The following TEPSIN variants were observed in gnomAD, a reference collection of about 807,000 sequenced individuals.
The protein encoded by TEPSIN is TEPSIN adaptor related protein complex 4 accessory protein, also known as AP-4 complex accessory subunit tepsin.
A neutral mutation model predicts 48.5 loss-of-function variants in TEPSIN; 50 were observed. The ratio of observed to expected loss-of-function variants is 1.03; its 90% CI spans 0.82 to 1.31. The LOEUF is 1.31. TEPSIN is among the 50% of genes most tolerant of loss of function. The probability of loss-of-function intolerance (pLI) is 0.00; values close to 1 mark genes in which losing one functional copy is unlikely to be tolerated. For synonymous variants in TEPSIN, 392 were observed against 358.8 expected (o/e 1.09, Z -1.05); for missense variants, 838 against 815.9 (o/e 1.03, Z -0.33).
At chr17:81,238,450 A>C (rs1205152125) in intron 1 of TEPSIN, 3 of 326,664 alleles carry the variant, frequency 9.2e-6, no homozygotes, top group African/African-American at 2.2e-5. Context: ...CAGTTTGCTC[A>C]GGACGACACC....
At chr17:81,238,836 C>A in intron 1 of TEPSIN, 150 bp downstream of exon 1, 1 of 1,350,004 alleles carries the variant, frequency 7.4e-7, no homozygotes, top group Non-Finnish European at 9.5e-7. Context: ...GGGCGGGCAG[C>A]TCAGGGGCGT....
chr17:81,229,972 TG>T (rs1244425733), intron 12 of TEPSIN: 1 of 170,040 alleles, frequency 5.9e-6, no homozygotes, highest in East Asian at 1.8e-4. Context: ...GACTTGGGGA[TG>T]GGTGACTGAG....
At position 81,229,162 on chromosome 17, in the gene TEPSIN, C is replaced by T; in HGVS notation, c.1548G>A (p.Arg516=). The change falls in exon 13 of 13, where the codon CGG becomes CGA. Residue 516 remains arginine (R), a synonymous_variant. Coordinates refer to ENST00000637944, the MANE Select transcript of TEPSIN (RefSeq NM_001363764.2). ...TTGGGCTGTCCGTGCCCCCTGGGAT[C>T]CGTTCAGGTCTCCACCGCCTGCTTT... ...LAESRRWRPE[R]IPGGTDSPKR... The T allele has an allele frequency of 6.2e-7, 1 of 1,612,160 alleles. No homozygotes were observed. The highest frequency in any genetic ancestry group is 2.2e-5 in the East Asian group (1 of 44,792).
chr17:81,233,306 T>G lies in TEPSIN; in HGVS notation c.526+126A>C. 4.3e-6 allele frequency: 5 copies of G among 1,149,862 alleles called. No homozygotes were observed. The highest frequency in any genetic ancestry group is 1.5e-5 in the African/African-American group (1 of 64,810). 71.2% of individuals were successfully genotyped at this position (1,149,862 alleles called of 1,614,324 possible). A position where few individuals can be genotyped will look rare whatever the true frequency, so the allele number is the denominator to read the frequency against. On this transcript the variant is annotated intron_variant, in intron 7 of 12. Transcript: ENST00000637944. The surrounding 1 kb of genome is among the most constrained non-coding windows in gnomAD (Gnocchi z 5.8). ...CAGTGGGGACAGCCCCAGGAAGGGT[T>G]GAGGCCATGTAGGGGAGGGGACGGG...
rs1238625722 is a variant in TEPSIN at position 81,233,878 on chromosome 17, C to T, written c.375+103G>A. ...CAGCAAGGAGCAGAGGCAGGGGTCC[C>T]GGATGGGAGAACTGCAAACCCCCCA... On this transcript the variant is annotated intron_variant, in intron 5 of 12. Transcript: ENST00000637944. The surrounding 1 kb of genome is among the most constrained non-coding windows in gnomAD (Gnocchi z 5.8). The T allele has an allele frequency of 3.5e-6, 5 of 1,410,754 alleles. No homozygotes were observed. The highest frequency in any genetic ancestry group is 2.5e-5 in the East Asian group (1 of 40,060). 87.4% of individuals were successfully genotyped at this position (1,410,754 alleles called of 1,614,324 possible).
At chr17:81,236,906 C>T (rs963561833) in intron 3 of TEPSIN, 74 bp downstream of exon 3, 265 of 1,531,948 alleles carry the variant, frequency 1.7e-4, no homozygotes, top group Non-Finnish European at 2.2e-4. Flanking sequence ...CACCCTGGGC[C>T]GCTCGTCTGC....
At chr17:81,238,865 C>G in intron 1 of TEPSIN, 121 bp downstream of exon 1, 1 of 1,362,814 alleles carries the variant, frequency 7.3e-7, no homozygotes, top group Non-Finnish European at 9.4e-7. Context: ...GCGAAGGGGC[C>G]AGGAGCAGCT....
chr17:81,229,155 C>T lies in TEPSIN; in HGVS notation c.1555G>A (p.Gly519Arg). Residue 519 changes from glycine (G) to arginine (R), a missense_variant, in exon 13 of 13, where the codon GGG becomes AGG. Transcript: ENST00000637944. ...CCTCTCTTTGGGCTGTCCGTGCCCCCTGGGATCCGTTCAGGTCTCCACCGC... is the reference window on the plus strand; with the variant it reads ...CCTCTCTTTGGGCTGTCCGTGCCCCTTGGGATCCGTTCAGGTCTCCACCGC... ...SRRWRPERIP[G>R]GTDSPKRGPS... The T allele has an allele frequency of 6.2e-7, 1 of 1,612,292 alleles. No homozygotes were observed. The highest frequency in any genetic ancestry group is 1.1e-5 in the South Asian group (1 of 91,002).
rs553119575 is a variant in TEPSIN at position 81,231,094 on chromosome 17, C to T, written c.1098+304G>A. ...TCATGTGCATGCACACACACACAGGCACATACATACACAACCACACACATG... is the reference window on the plus strand; with the variant it reads ...TCATGTGCATGCACACACACACAGGTACATACATACACAACCACACACATG... On this transcript the variant is annotated intron_variant, in intron 11 of 12. Transcript: ENST00000637944. The T allele has an allele frequency of 5.6e-6, 3 of 538,164 alleles. No individual in the cohort carries two copies. In the African/African-American group the frequency reaches 5.7e-5, roughly 10 times the overall value. The allele number at this position is 538,164 out of a possible 1,614,324, so 33.3% of individuals were successfully genotyped here. A position where few individuals can be genotyped will look rare whatever the true frequency, so the allele number is the denominator to read the frequency against.
At chr17:81,237,257 A>G (rs1413015955) in intron 2 of TEPSIN, 130 bp downstream of exon 2, 23 of 1,257,404 alleles carry the variant, frequency 1.8e-5, no homozygotes, top group Middle Eastern at 3.7e-4. Flanking sequence ...GACCCCACCC[A>G]TGCCTGGTTA....
Position 81,236,727 on chromosome 17 carries a change from G to A in TEPSIN, c.288C>T (p.Ala96=), listed in dbSNP as rs1441196134. ...FFLLILKRNS[A]FIQEAAAFAG... ...CTGTACCTGCAGCTTCCTGGATGAA[G>A]GCAGAGTTGCGTTTGAGGATGAGCA... Residue 96 remains alanine, a synonymous_variant, in exon 4 of 13, where the codon GCC becomes GCT. Coordinates refer to ENST00000637944, the MANE Select transcript of TEPSIN (RefSeq NM_001363764.2). 1 of 1,568,040 alleles carries A rather than the reference G, an allele frequency of 6.4e-7. No individual in the cohort carries two copies. The highest frequency in any genetic ancestry group is 1.4e-5 in the African/African-American group (1 of 73,826).
chr17:81,236,857 C>T (rs536335121), intron 3 of TEPSIN, 56 bp from the exon 4 acceptor site: 4 of 1,544,506 alleles, frequency 2.6e-6, no homozygotes, highest in Non-Finnish European at 3.5e-6. Context: ...ACACCCAGGG[C>T]AGGGCCCGGG....
Position 81,230,606 on chromosome 17 carries a change from G to A in TEPSIN, c.1171C>T (p.Arg391Trp), listed in dbSNP as rs200261832. The change falls in exon 12 of 13, where the codon CGG (arginine) becomes TGG (tryptophan). Residue 391 changes from arginine (R) to tryptophan (W), a missense_variant. Coordinates refer to ENST00000637944, the MANE Select transcript of TEPSIN (RefSeq NM_001363764.2). The surrounding 1 kb of genome is among the most constrained non-coding windows in gnomAD (Gnocchi z 4.2). The stretch of plus-strand genomic sequence containing the variant: ...ATGCTGAGCTCCTGCAGCCACGGCC[G>A]GGTGCGGAGGAGGATGTGCTCCTGG... ...LPQEHILLRTRPWLQELSMGS... is the reference protein window; with the variant it reads ...LPQEHILLRTWPWLQELSMGS... 40 of 1,608,002 alleles carry A rather than the reference G, an allele frequency of 2.5e-5. No homozygotes were observed. The highest frequency in any genetic ancestry group is 5.0e-5 in the Admixed American group (3 of 59,414).
At chr17:81,232,089 G>A (rs113698444) in intron 8 of TEPSIN, 68 bp from the exon 9 acceptor site, 12 of 1,545,606 alleles carry the variant, frequency 7.8e-6, no homozygotes, top group African/African-American at 4.1e-5. Context: ...ACCTCCCGGG[G>A]CCCTGGACCA....
chr17:81,231,589 G>C lies in TEPSIN; in HGVS notation c.1008C>G (p.His336Gln). The stretch of plus-strand genomic sequence containing the variant: ...CCGGGCGCACTCACGCTTTGATGAA[G>C]TGCTGTGCCTCCTCGCGGCTCAGGA... ...RAFLSREEAQ[H>Q]FIKACGLLNC... Residue 336 changes from histidine to glutamine, a missense_variant, in exon 10 of 13, where the codon CAC (histidine) becomes CAG (glutamine). By Grantham distance (24) the His-to-Gln change is conservative (BLOSUM62 0). Coordinates refer to ENST00000637944, the MANE Select transcript of TEPSIN (RefSeq NM_001363764.2). The C allele has an allele frequency of 6.2e-7, 1 of 1,612,510 alleles. No homozygotes were observed. The highest frequency in any genetic ancestry group is 8.5e-7 in the Non-Finnish European group (1 of 1,179,468).
intron 8 of TEPSIN, 79 bp downstream of exon 8, chr17:81,232,236 G>A: frequency 7.1e-7 from 1 of 1,417,084 alleles, no homozygotes; most frequent in Non-Finnish European, 9.3e-7. Context: ...CCTGGGATTT[G>A]CCTCCGTGGC....
chr17:81,231,451 C>G lies in TEPSIN; in HGVS notation c.1045G>C (p.Val349Leu). 6.4e-7 allele frequency: 1 copy of G among 1,568,438 alleles called. No homozygotes were observed. Among genetic ancestry groups the G allele is most frequent in the Non-Finnish European group, 8.6e-7 (1 of 1,156,742 alleles). Residue 349 changes from valine (V) to leucine (L), a missense_variant, in exon 11 of 13, where the codon GTG becomes CTG. By Grantham distance (32) the Val-to-Leu change is conservative (BLOSUM62 1). Transcript: ENST00000637944. ...KACGLLNCEA[V>L]LQLLTCHLRG... ...AGGTGGCAGGTCAGCAGCTGCAGCA[C>G]GGCCTCACAGTTGAGCAGTCCACAC...
In TEPSIN at chr17:81,230,373, G is replaced by A; in HGVS notation, c.1233+171C>T. The stretch of plus-strand genomic sequence containing the variant: ...TGGAAGGCGGGAAGGCAATGGGGAG[G>A]TGAGGACCCTGACTTGCTGCTGCTC... On this transcript the variant is annotated intron_variant, in intron 12 of 12. Coordinates refer to ENST00000637944, the MANE Select transcript of TEPSIN (RefSeq NM_001363764.2). The surrounding 1 kb of genome is among the most constrained non-coding windows in gnomAD (Gnocchi z 4.2). 2.3e-6 allele frequency: 2 copies of A among 858,314 alleles called. No individual in the cohort carries two copies. Among genetic ancestry groups the A allele is most frequent in the Non-Finnish European group, 3.5e-6 (2 of 569,740 alleles). The allele number at this position is 858,314 out of a possible 1,614,324, so 53.2% of individuals were successfully genotyped here. A position where few individuals can be genotyped will look rare whatever the true frequency, so the allele number is the denominator to read the frequency against.
rs75376718 is a variant in TEPSIN, at chr17:81,230,722, G to T, written c.1099-44C>A. ...GACATCAGCACCCATGGGGCAGCAG[G>T]TCCACGCCAGGGAGGCCTATTTGGC... On this transcript the variant is annotated intron_variant, in intron 11 of 12. Transcript: ENST00000637944. The surrounding 1 kb of genome is among the most constrained non-coding windows in gnomAD (Gnocchi z 4.2). 2 of 1,479,962 alleles carry T rather than the reference G, an allele frequency of 1.4e-6. No individual in the cohort carries two copies. The highest frequency in any genetic ancestry group is 2.5e-5 in the Admixed American group (1 of 39,710). The allele number at this position is 1,479,962 out of a possible 1,614,324, so 91.7% of individuals were successfully genotyped here. A position where few individuals can be genotyped will look rare whatever the true frequency, so the allele number is the denominator to read the frequency against.
Sources: allele counts gnomAD v4.1 joint callset, GRCh38; gene constraint gnomAD v4.1.1; non-coding constraint Gnocchi (gnomAD v3.1); transcripts MANE v1.5; gene names NCBI Gene and HGNC (gene_info 2026-07-23, HGNC 2026-07-21).